PPP4R2: variants seen among roughly 807,000 people sequenced by gnomAD.
The protein encoded by PPP4R2 is protein phosphatase 4 regulatory subunit 2, also known as serine/threonine-protein phosphatase 4 regulatory subunit 2.
Under a neutral mutation model 47.2 loss-of-function variants are expected in PPP4R2, and 13 were observed. The observed-to-expected ratio is 0.28, with a 90% CI of 0.18 to 0.44. The LOEUF (loss-of-function observed/expected upper bound fraction) is 0.44, where lower values mean the gene tolerates loss of function less well. Among genes scored for constraint, PPP4R2 ranks in the 20% least tolerant of loss-of-function variants. The probability of loss-of-function intolerance (pLI) is 1.00; values close to 1 mark genes in which losing one functional copy is unlikely to be tolerated. For missense variants in PPP4R2, 421 were observed against 491.2 expected (o/e 0.86, Z 1.35); for synonymous variants, 151 against 163.3 (o/e 0.92, Z 0.57).
At chr3:73,027,679 T>TGC (rs1702092881) in intron 2 of PPP4R2, 1 of 151,666 alleles carries the variant, frequency 6.6e-6, no homozygotes, top group Admixed American at 6.6e-5. Flanking sequence ...TGTGTGTGTG[T>TGC]GTGTGTTTGT....
chr3:73,046,634 G>T (rs1214625012), intron 2 of PPP4R2, among the ~76,000 whole-genome samples: 1 of 152,144 alleles, frequency 6.6e-6, no homozygotes, highest in Non-Finnish European at 1.5e-5. Flanking sequence ...CTGTGATTAT[G>T]TGCCTTAATC....
At chr3:73,052,954 C>G (rs186087124) in intron 3 of PPP4R2, among the ~76,000 whole-genome samples, 1 of 152,208 alleles carries the variant, frequency 6.6e-6, no homozygotes, top group Non-Finnish European at 1.5e-5. Flanking sequence ...ACTCCAAAGT[C>G]TGGATTGTAG....
At chr3:73,040,233 G>T (rs1702349245) in intron 2 of PPP4R2, among the ~76,000 whole-genome samples, 1 of 152,144 alleles carries the variant, frequency 6.6e-6, no homozygotes, top group Non-Finnish European at 1.5e-5. Flanking sequence ...CATATTGACA[G>T]AATTTTTGAA....
intron 5 of PPP4R2, chr3:73,062,932 A>G (rs753071605): frequency 2.0e-5 from 32 of 1,572,716 alleles, no homozygotes. Flanking sequence ...CAACCTATTA[A>G]TGCTGTGAGA....
At chr3:73,037,061 A>G (rs538212944) in intron 2 of PPP4R2, among the ~76,000 whole-genome samples, 2 of 152,234 alleles carry the variant, frequency 1.3e-5, no homozygotes, top group Non-Finnish European at 2.9e-5. Flanking sequence ...AAATGAAATG[A>G]TTATTGTCTT....
intron 2 of PPP4R2, among the ~76,000 whole-genome samples, chr3:73,046,602 G>A (rs1406341407): frequency 6.6e-6 from 1 of 152,098 alleles, no homozygotes; most frequent in Non-Finnish European, 1.5e-5. Context: ...TTTTTATTGT[G>A]CAAGTACTGG....
intron 2 of PPP4R2, among the ~76,000 whole-genome samples, chr3:73,008,535 G>C (rs181207204): frequency 2.6e-5 from 4 of 152,148 alleles, no homozygotes; most frequent in East Asian, 1.9e-4. Context: ...GTTAGCATGT[G>C]GTGATGGCGG....
chr3:73,041,768 G>A (rs1029175573), intron 2 of PPP4R2, among the ~76,000 whole-genome samples: 16 of 152,262 alleles, frequency 1.1e-4, no homozygotes, highest in Non-Finnish European at 7.3e-5. Flanking sequence ...GAACCAGTAC[G>A]TTAAGGTGGT....
intron 3 of PPP4R2, among the ~76,000 whole-genome samples, chr3:73,051,236 T>G (rs914913767): frequency 2.6e-5 from 4 of 152,140 alleles, no homozygotes; most frequent in African/African-American, 9.7e-5. Context: ...TTTTTTAATT[T>G]GTAGAAATGT....
chr3:73,054,527 A>G (rs1238997532), intron 3 of PPP4R2, among the ~76,000 whole-genome samples: 4 of 152,156 alleles, frequency 2.6e-5, no homozygotes, highest in Non-Finnish European at 4.4e-5. Flanking sequence ...TCTGTTAACT[A>G]AGACACCACT....
chr3:73,054,062 A>G (rs967132533), intron 3 of PPP4R2, among the ~76,000 whole-genome samples: 1 of 152,118 alleles, frequency 6.6e-6, no homozygotes, highest in African/African-American at 2.4e-5. Flanking sequence ...GATTACAGGC[A>G]TGCATCAACC....
intron 3 of PPP4R2, among the ~76,000 whole-genome samples, chr3:73,057,238 GAGTT>G (rs1702747830): frequency 6.6e-6 from 1 of 152,068 alleles, no homozygotes; most frequent in Non-Finnish European, 1.5e-5. Flanking sequence ...TTTTAAAGTA[GAGTT>G]AGTTTTGTGT....
chr3:73,055,577 G>A (rs1215906249), intron 3 of PPP4R2, among the ~76,000 whole-genome samples: 2 of 151,508 alleles, frequency 1.3e-5, no homozygotes, highest in Non-Finnish European at 2.9e-5. Context: ...AGCTAGTCAT[G>A]TCCTTTTTTC....
chr3:73,017,531 A>C (rs1015817390), intron 2 of PPP4R2, among the ~76,000 whole-genome samples: 3 of 151,972 alleles, frequency 2.0e-5, no homozygotes, highest in Non-Finnish European at 4.4e-5. Context: ...GAAAGGGAAG[A>C]GTTAGATATA....
chr3:73,060,355 A>G (rs1475539882), intron 4 of PPP4R2, among the ~76,000 whole-genome samples: 1 of 152,186 alleles, frequency 6.6e-6, no homozygotes, highest in Admixed American at 6.5e-5. Context: ...ATAAAGTAGC[A>G]ATATGTTACA....
At chr3:73,011,075 C>G (rs886148328) in intron 2 of PPP4R2, among the ~76,000 whole-genome samples, 1 of 152,168 alleles carries the variant, frequency 6.6e-6, no homozygotes, top group Non-Finnish European at 1.5e-5. Flanking sequence ...TCCAAATCCT[C>G]TTGTAATTTG....
chr3:73,064,312 G>A (rs931099958), intron 7 of PPP4R2, among the ~76,000 whole-genome samples, 166 bp downstream of exon 7: 6 of 152,198 alleles, frequency 3.9e-5, no homozygotes, highest in Non-Finnish European at 7.3e-5. Context: ...AATGTTGAAG[G>A]TGGACATAGA....
chr3:73,006,779 C>T (rs1419235460), intron 2 of PPP4R2, among the ~76,000 whole-genome samples: 1 of 152,220 alleles, frequency 6.6e-6, no homozygotes, highest in Admixed American at 6.5e-5. Context: ...ATCTCAGTTT[C>T]AGCTGCTGTT....
At position 73,021,233 on chromosome 3, in the gene PPP4R2, AT is replaced by A. The variant is rs1225973970; in HGVS notation, c.116+23092del. Among the ~76,000 whole-genome samples the A allele has an allele frequency of 6.2e-3, 348 of 56,044 alleles. 2 individuals are homozygous for A. Among genetic ancestry groups the A allele is most frequent in the Admixed American group, 0.024 (166 of 6,776 alleles). The allele number at this position is 56,044 out of a possible 152,430, so 36.8% of individuals were successfully genotyped here. A position where few individuals can be genotyped will look rare whatever the true frequency, so the allele number is the denominator to read the frequency against. On this transcript the variant is annotated intron_variant, in intron 2 of 8. Transcript: ENST00000356692. ...ATTCATTTTATTTCATTAAAAAAAAATTTTTTTTTTTTTTTTTGTAACAGGA... is the reference window on the plus strand; with the variant it reads ...ATTCATTTTATTTCATTAAAAAAAAATTTTTTTTTTTTTTTTGTAACAGGA...
Sources: gnomAD v4.1 joint callset for allele counts (sites outside exome capture counted in the v4.1 genomes callset) on GRCh38, gnomAD v4.1.1 for gene constraint, MANE v1.5 for transcripts, NCBI Gene and HGNC (gene_info 2026-07-23, HGNC 2026-07-21) for gene names.